L2HGDH: variants seen among roughly 807,000 people sequenced by gnomAD.
L2HGDH encodes L-2-hydroxyglutarate dehydrogenase, mitochondrial.
In L2HGDH, 34 loss-of-function variants were observed where a neutral mutation model predicts 51.5. The observed-to-expected ratio is 0.66, with a 90% CI of 0.50 to 0.88. The LOEUF is 0.88. L2HGDH is among the 40% of genes least tolerant of loss of function. L2HGDH has a pLI of 0.00. For synonymous variants in L2HGDH, 198 were observed against 197.9 expected (o/e 1.00, Z -0.01); for missense variants, 558 against 571.9 (o/e 0.98, Z 0.25).
chr14:50,248,936 C>T, intron 9 of L2HGDH, among the ~76,000 whole-genome samples: 1 of 152,158 alleles, frequency 6.6e-6, no homozygotes, highest in Non-Finnish European at 1.5e-5. Context: ...CCAATGCCAC[C>T]CCTCCCTCAC....
intron 9 of L2HGDH, among the ~76,000 whole-genome samples, chr14:50,259,296 T>A (rs944201165): frequency 6.6e-6 from 1 of 150,826 alleles, no homozygotes; most frequent in Non-Finnish European, 1.5e-5. Flanking sequence ...TTAAAGCAAA[T>A]CCCAGATGGC....
At chr14:50,301,715 G>A (rs1177303460) in intron 3 of L2HGDH, among the ~76,000 whole-genome samples, 3 of 152,074 alleles carry the variant, frequency 2.0e-5, no homozygotes, top group Non-Finnish European at 4.4e-5. Flanking sequence ...TGTCTTTTTG[G>A]GGTGATGAAA....
Position 50,253,529 on chromosome 14 carries a change from C to T in L2HGDH, c.1197-6276G>A, listed in dbSNP as rs1438208258. ...AAATGGCTTTTATTCAAAAGACAGG[C>T]AATAACTAATGCTGGTGAAGATATG... On this transcript the variant is annotated intron_variant, in intron 9 of 9. Transcript: ENST00000267436. Among the ~76,000 whole-genome samples the T allele has an allele frequency of 2.6e-5, 4 of 151,996 alleles. No homozygotes were observed. The East Asian group carries it at 7.7e-4, about 29-fold the overall frequency.
chr14:50,292,629 C>A (rs1430359173), intron 4 of L2HGDH, among the ~76,000 whole-genome samples: 3 of 152,092 alleles, frequency 2.0e-5, no homozygotes, highest in Non-Finnish European at 4.4e-5. Flanking sequence ...TCACTTGAAC[C>A]CGGGAGGCAG....
At chr14:50,263,309 T>C (rs902768666) in intron 9 of L2HGDH, among the ~76,000 whole-genome samples, 1 of 152,060 alleles carries the variant, frequency 6.6e-6, no homozygotes, top group African/African-American at 2.4e-5. Context: ...TGAAAGAAAA[T>C]AATGGCTAGA....
chr14:50,280,341 A>G (rs1890197656), intron 5 of L2HGDH, among the ~76,000 whole-genome samples: 1 of 151,880 alleles, frequency 6.6e-6, no homozygotes. Flanking sequence ...TAATTTTTGT[A>G]TTTTTAGTGG....
At chr14:50,281,307 T>C (rs898002634) in intron 5 of L2HGDH, among the ~76,000 whole-genome samples, 27 of 152,174 alleles carry the variant, frequency 1.8e-4, no homozygotes, top group Non-Finnish European at 4.4e-5. Flanking sequence ...TAAATTGTCA[T>C]TCAAGCTGGG....
chr14:50,259,586 T>C (rs11849315), intron 9 of L2HGDH, among the ~76,000 whole-genome samples: 82,310 of 151,258 alleles, frequency 0.54, 22,885 homozygotes, highest in East Asian at 0.65. Flanking sequence ...CTCAGCACTT[T>C]GGGAGGCCAA....
In L2HGDH at chr14:50,312,004, C is replaced by T; in HGVS notation, c.140+7G>A. 1 of 1,559,038 alleles carries T rather than the reference C, an allele frequency of 6.4e-7. No individual in the cohort carries two copies. The highest frequency in any genetic ancestry group is 8.7e-7 in the Non-Finnish European group (1 of 1,154,438). Reference sequence around the variant, plus strand: ...GCAGGCGGCGGGGAGGACCAGCGGCCACTCACCTGGTGCTGGCGCTGCGGC... The same window carrying T: ...GCAGGCGGCGGGGAGGACCAGCGGCTACTCACCTGGTGCTGGCGCTGCGGC... On this transcript the variant is annotated splice_region_variant and intron_variant, in intron 1 of 9. Transcript: ENST00000267436.
At chr14:50,274,829 TG>T (rs1889885473) in intron 6 of L2HGDH, among the ~76,000 whole-genome samples, 1 of 152,086 alleles carries the variant, frequency 6.6e-6, no homozygotes, top group African/African-American at 2.4e-5. Flanking sequence ...ACAACATGGG[TG>T]GGCATGGAAG....
Position 50,312,105 on chromosome 14 carries a change from G to T in L2HGDH, c.46C>A (p.Arg16Ser), listed in dbSNP as rs1450935825. 1 of 1,608,618 alleles carries T rather than the reference G, an allele frequency of 6.2e-7. No individual in the cohort carries two copies. Among genetic ancestry groups the T allele is most frequent in the Non-Finnish European group, 8.5e-7 (1 of 1,178,394 alleles). ...RYLVGACGRARGLFAGGSPGA... is the reference protein window; with the variant it reads ...RYLVGACGRASGLFAGGSPGA... Reference sequence around the variant, plus strand: ...GGGGAGCCACCGGCGAAAAGCCCGCGGGCCCGTCCGCAGGCACCAACCAAA... The same window carrying T: ...GGGGAGCCACCGGCGAAAAGCCCGCTGGCCCGTCCGCAGGCACCAACCAAA... Residue 16 changes from arginine to serine, a missense_variant, in exon 1 of 10, where the codon CGC becomes AGC. By Grantham distance (110) the Arg-to-Ser change is moderately radical (BLOSUM62 -1). Around this residue, in one of 3 missense-constraint regions of L2HGDH, gnomAD observed 194 missense variants for 187.2 expected, o/e 1.04. Coordinates refer to ENST00000267436, the MANE Select transcript of L2HGDH (RefSeq NM_024884.3).
intron 3 of L2HGDH, among the ~76,000 whole-genome samples, chr14:50,301,766 TA>T (rs1054344657): frequency 1.4e-4 from 22 of 152,288 alleles, no homozygotes; most frequent in Admixed American, 1.4e-3. Flanking sequence ...CTCAGCTCTA[TA>T]AATATACTAA....
At chr14:50,284,965 C>T (rs1890486154) in intron 4 of L2HGDH, among the ~76,000 whole-genome samples, 1 of 152,078 alleles carries the variant, frequency 6.6e-6, no homozygotes, top group Non-Finnish European at 1.5e-5. Context: ...TTTCATTTTG[C>T]GGCCGGGCGC....
Position 50,242,910 on chromosome 14 carries a change from T to A in L2HGDH, c.*4148A>T. On this transcript the variant is annotated 3_prime_UTR_variant, in exon 10 of 10. Transcript: ENST00000267436. The stretch of plus-strand genomic sequence containing the variant: ...CCTTAAACAATATAGACACCATGTC[T>A]CCTGTGTTTACAGGGATAGCTCATA... 1 of 985,432 alleles carries A rather than the reference T, an allele frequency of 1.0e-6. No individual in the cohort carries two copies. Among genetic ancestry groups the A allele is most frequent in the African/African-American group, 1.7e-5 (1 of 57,352 alleles). The allele number at this position is 985,432 out of a possible 1,614,324, so 61.0% of individuals were successfully genotyped here. A position where few individuals can be genotyped will look rare whatever the true frequency, so the allele number is the denominator to read the frequency against.
intron 9 of L2HGDH, among the ~76,000 whole-genome samples, chr14:50,253,205 T>C (rs1888464308): frequency 6.6e-6 from 1 of 152,042 alleles, no homozygotes; most frequent in Admixed American, 6.6e-5. Context: ...GTTAAAAAGC[T>C]TTTGCACAGC....
chr14:50,285,094 A>G (rs1257895743), intron 4 of L2HGDH, among the ~76,000 whole-genome samples: 1 of 152,180 alleles, frequency 6.6e-6, no homozygotes, highest in Non-Finnish European at 1.5e-5. Context: ...TAAAAATACA[A>G]AAATTAGCCG....
intron 1 of L2HGDH, among the ~76,000 whole-genome samples, chr14:50,306,141 C>G (rs2030710007): frequency 6.6e-6 from 1 of 151,734 alleles, no homozygotes; most frequent in African/African-American, 2.4e-5. Flanking sequence ...ACCTCCAGCT[C>G]CCGGATTCAA....
chr14:50,255,229 A>G lies in L2HGDH; in HGVS notation c.1197-7976T>C, dbSNP rs56357220. On this transcript the variant is annotated intron_variant, in intron 9 of 9. Coordinates refer to ENST00000267436, the MANE Select transcript of L2HGDH (RefSeq NM_024884.3). ...TCCCCTCAGAACACTTCAAACTGAA[A>G]TAAGTATTATTATTTGAAATCTCAG... 7.6e-3 allele frequency among the ~76,000 whole-genome samples: 1,160 copies of G among 152,072 alleles called. 14 individuals are homozygous for G. The highest frequency in any genetic ancestry group is 0.025 in the African/African-American group (1,037 of 41,496).
At chr14:50,294,382 A>T (rs1340069148) in intron 3 of L2HGDH, 136 bp from the exon 4 acceptor site, 6 of 793,586 alleles carry the variant, frequency 7.6e-6, no homozygotes, top group Non-Finnish European at 1.2e-5. Flanking sequence ...TTTTCTTCAC[A>T]TATCTAATTC....
Sources: allele counts gnomAD v4.1 joint callset (sites outside exome capture counted in the v4.1 genomes callset), GRCh38; gene constraint gnomAD v4.1.1; regional missense constraint gnomAD v4.1.1; transcripts MANE v1.5; gene names NCBI Gene and HGNC (gene_info 2026-07-23, HGNC 2026-07-21).